The following RALGPS1 variants were observed in gnomAD, a reference collection of about 807,000 sequenced individuals.
RALGPS1 encodes ras-specific guanine nucleotide-releasing factor RalGPS1.
In RALGPS1, 19 loss-of-function variants were observed where a neutral mutation model predicts 78.8. That is an observed-to-expected ratio of 0.24 (90% CI 0.17 to 0.35). The LOEUF (loss-of-function observed/expected upper bound fraction) is 0.35, where lower values mean the gene tolerates loss of function less well. Ranked by LOEUF, RALGPS1 falls within the 10% of genes least tolerant of loss-of-function variation. The pLI, the probability that RALGPS1 is intolerant of heterozygous loss-of-function variation, is 1.00. For missense variants in RALGPS1, 454 were observed against 688.3 expected, an observed-to-expected ratio of 0.66 and a Z score of 3.81; for synonymous variants, 228 against 256.3, an observed-to-expected ratio of 0.89 and a Z score of 1.06.
intron 4 of RALGPS1, among the ~76,000 whole-genome samples, chr9:126,981,676 T>C (rs924316326): frequency 6.6e-6 from 1 of 152,228 alleles, no homozygotes; most frequent in African/African-American, 2.4e-5. Context: ...ATGTACCTGC[T>C]GTTATTGTCT....
At chr9:126,958,965 A>T (rs2038623156) in intron 1 of RALGPS1, among the ~76,000 whole-genome samples, 1 of 151,368 alleles carries the variant, frequency 6.6e-6, no homozygotes, top group Non-Finnish European at 1.5e-5. Flanking sequence ...GTTTTTAATT[A>T]TAGCCATCCT....
chr9:127,181,916 G>C (rs2140143102), intron 11 of RALGPS1, among the ~76,000 whole-genome samples: 1 of 152,076 alleles, frequency 6.6e-6, no homozygotes, highest in African/African-American at 2.4e-5. Context: ...GAACAAAGGA[G>C]ATGTGAAATC....
intron 11 of RALGPS1, chr9:127,178,628 C>T: frequency 2.9e-6 from 1 of 340,554 alleles, no homozygotes; most frequent in South Asian, 1.2e-4. Context: ...CAGGTCAGGC[C>T]GTCTAACAGC....
At chr9:126,969,153 A>G (rs2039846202) in intron 3 of RALGPS1, among the ~76,000 whole-genome samples, 1 of 152,216 alleles carries the variant, frequency 6.6e-6, no homozygotes, top group African/African-American at 2.4e-5. Context: ...AAATATTATC[A>G]TTTTAAAATA....
At chr9:127,028,918 G>A (rs1451885061) in intron 4 of RALGPS1, among the ~76,000 whole-genome samples, 1 of 151,854 alleles carries the variant, frequency 6.6e-6, no homozygotes, top group African/African-American at 2.4e-5. Flanking sequence ...CCTCTTTTTT[G>A]TGACCCTTGT....
chr9:126,959,763 A>ACTTGGG, intron 1 of RALGPS1, among the ~76,000 whole-genome samples: 1 of 152,134 alleles, frequency 6.6e-6, no homozygotes, highest in East Asian at 1.9e-4. Flanking sequence ...ATTTTAACCT[A>ACTTGGG]AGTTTTAAAC....
intron 4 of RALGPS1, among the ~76,000 whole-genome samples, chr9:127,033,737 A>G (rs1021035001): frequency 7.2e-5 from 11 of 152,262 alleles, no homozygotes; most frequent in Middle Eastern, 3.4e-3. Flanking sequence ...GATTGCTCCT[A>G]TTGTGTCCAG....
chr9:126,952,656 A>AGAGTGTGTGT (rs1554763340), intron 1 of RALGPS1, among the ~76,000 whole-genome samples: 1 of 138,828 alleles, frequency 7.2e-6, no homozygotes, highest in South Asian at 2.3e-4. Context: ...AGAGAGAGAG[A>AGAGTGTGTGT]GTGTGTGTGT....
intron 5 of RALGPS1, among the ~76,000 whole-genome samples, chr9:127,041,068 T>C (rs541502483): frequency 1.3e-5 from 2 of 151,568 alleles, no homozygotes; most frequent in African/African-American, 2.4e-5. Context: ...TGTGTGTGTA[T>C]GTACTAAAGT....
intron 1 of RALGPS1, among the ~76,000 whole-genome samples, chr9:126,929,816 C>T (rs1460101871): frequency 1.3e-5 from 2 of 151,588 alleles, no homozygotes; most frequent in Non-Finnish European, 2.9e-5. Context: ...AGTGGATAGA[C>T]ATTGAGGGGA....
At chr9:126,996,794 G>A (rs1231449988) in intron 4 of RALGPS1, among the ~76,000 whole-genome samples, 2 of 151,544 alleles carry the variant, frequency 1.3e-5, no homozygotes, top group Admixed American at 6.6e-5. Context: ...TAAAATACTG[G>A]CAAACCAAAT....
rs752846003 is a variant in RALGPS1 at position 127,148,166 on chromosome 9, C to T, written c.611-17903C>T. 2.0e-4 allele frequency among the ~76,000 whole-genome samples: 31 copies of T among 152,328 alleles called. 1 individual carries two copies. The highest frequency in any genetic ancestry group is 3.3e-4 in the Admixed American group (5 of 15,304). On this transcript the variant is annotated intron_variant, in intron 8 of 18. Coordinates refer to ENST00000259351, the MANE Select transcript of RALGPS1 (RefSeq NM_014636.3). ...GGAGGCAGCACAGTATCTGTGGATTCGGTGTATGAGAAGCTGCGGTTGCCC... is the reference window on the plus strand; with the variant it reads ...GGAGGCAGCACAGTATCTGTGGATTTGGTGTATGAGAAGCTGCGGTTGCCC...
chr9:127,174,623 T>C, intron 10 of RALGPS1, 92 bp from the exon 11 acceptor site: 1 of 1,138,154 alleles, frequency 8.8e-7, no homozygotes, highest in Non-Finnish European at 1.3e-6. Context: ...TATTCCTGGC[T>C]TCTGTGACTA....
intron 8 of RALGPS1, chr9:127,088,773 G>A (rs1325648562): frequency 1.9e-5 from 14 of 748,210 alleles, no homozygotes; most frequent in African/African-American, 5.3e-5. Flanking sequence ...ACACCGTATC[G>A]ATTCAGTTCC....
At chr9:127,215,290 G>C (rs1230183324) in intron 18 of RALGPS1, among the ~76,000 whole-genome samples, 1 of 152,240 alleles carries the variant, frequency 6.6e-6, no homozygotes, top group Non-Finnish European at 1.5e-5. Context: ...ACGCAAAGCT[G>C]CTGGTGAAAG....
intron 7 of RALGPS1, 101 bp downstream of exon 7, chr9:127,053,040 G>A: frequency 2.4e-6 from 2 of 848,668 alleles, no homozygotes; most frequent in Non-Finnish European, 2.0e-6. Context: ...TCTATACTTT[G>A]CCAACAACAG....
intron 4 of RALGPS1, among the ~76,000 whole-genome samples, chr9:126,982,857 C>CCTT (rs369859904): frequency 6.8e-6 from 1 of 147,122 alleles, no homozygotes; most frequent in Non-Finnish European, 1.5e-5. Flanking sequence ...TCTTCCTCCT[C>CCTT]CTTCTTCTTC....
chr9:126,990,265 C>A, intron 4 of RALGPS1: 1 of 447,850 alleles, frequency 2.2e-6, no homozygotes, highest in Non-Finnish European at 4.0e-6. Flanking sequence ...TCTGCTACAC[C>A]AACCTAGTCT....
At chr9:127,135,003 C>T (rs1408735937) in intron 8 of RALGPS1, among the ~76,000 whole-genome samples, 2 of 152,210 alleles carry the variant, frequency 1.3e-5, no homozygotes, top group Non-Finnish European at 2.9e-5. Flanking sequence ...GGAGACAGCA[C>T]TCATCTCTGC....
Sources: gnomAD v4.1 joint callset for allele counts (sites outside exome capture counted in the v4.1 genomes callset) on GRCh38, gnomAD v4.1.1 for gene constraint, MANE v1.5 for transcripts, NCBI Gene and HGNC (gene_info 2026-07-23, HGNC 2026-07-21) for gene names.